AK1: variants seen among roughly 807,000 people sequenced by gnomAD.
The protein encoded by AK1 is adenylate kinase isoenzyme 1.
AK1 carries 13 observed loss-of-function variants against 23.9 expected under a neutral mutation model. The observed-to-expected ratio is 0.54, with a 90% CI of 0.35 to 0.86. The LOEUF is 0.86. Among genes scored for constraint, AK1 ranks in the 40% least tolerant of loss-of-function variants. The probability of loss-of-function intolerance (pLI) is 0.01; values close to 1 mark genes in which losing one functional copy is unlikely to be tolerated. For synonymous variants in AK1, 97 were observed against 102.8 expected (o/e 0.94, Z 0.34); for missense variants, 214 against 255.1 (o/e 0.84, Z 1.10).
At chr9:127,872,004 G>A (rs879454091) in intron 4 of AK1, 65 bp from the exon 5 acceptor site, 1 of 1,361,850 alleles carries the variant, frequency 7.3e-7, no homozygotes. Flanking sequence ...CCCAGCCTCT[G>A]CTCACGCTGC....
rs36059128 is a variant in AK1, at chr9:127,870,200, C to CTTTTTT, written c.324+1617_324+1622dup. ...TACAACAGCCCTGGAAGGGTGGGGA[C>CTTTTTT]TTTTTTTTTTTTTTTTTTTGAGACG... On this transcript the variant is annotated intron_variant, in intron 5 of 6. Transcript: ENST00000644144. Among the ~76,000 whole-genome samples the CTTTTTT allele has an allele frequency of 5.7e-5, 7 of 122,288 alleles. No individual in the cohort carries two copies. In the East Asian group the frequency reaches 9.7e-4, roughly 17 times the overall value. The allele number at this position is 122,288 out of a possible 152,430, so 80.2% of individuals were successfully genotyped here. A position where few individuals can be genotyped will look rare whatever the true frequency, so the allele number is the denominator to read the frequency against.
In AK1 at chr9:127,874,041, GAGCAGCAGC is replaced by G. The variant is rs759188373; in HGVS notation, c.7+561_7+569del. On this transcript the variant is annotated intron_variant, in intron 2 of 6. Transcript: ENST00000644144. ...GCTGTTGATATTTGGAGCTCAGGCA[GAGCAGCAGC>G]AGCAGCAGCAGCAGGCCCGCTGGGT... The G allele has an allele frequency of 5.1e-6, 5 of 985,004 alleles. No individual in the cohort carries two copies. The African/African-American group carries it at 5.2e-5, about 10-fold the overall frequency. 61.0% of individuals were successfully genotyped at this position (985,004 alleles called of 1,614,324 possible).
intron 1 of AK1, among the ~76,000 whole-genome samples, chr9:127,875,890 C>T (rs2131413712): frequency 6.6e-6 from 1 of 152,340 alleles, no homozygotes; most frequent in South Asian, 2.1e-4. Flanking sequence ...GGGCCACTGC[C>T]CCCGCCTCCA....
In AK1 at chr9:127,871,341, CTTG is replaced by C. The variant is rs1829404080; in HGVS notation, c.324+479_324+481del. On this transcript the variant is annotated intron_variant, in intron 5 of 6. Coordinates refer to ENST00000644144, the MANE Select transcript of AK1 (RefSeq NM_000476.3). This position sits in a 1 kb window ranked among gnomAD's most constrained non-coding sequence, Gnocchi z 4.4. The stretch of plus-strand genomic sequence containing the variant: ...AGCCTCCAGCCAGGCTGGAACCTCC[CTTG>C]TTGTCCTGCCCACATATTCTGTTCT... Among the ~76,000 whole-genome samples, 3 of 151,528 alleles carry C rather than the reference CTTG, an allele frequency of 2.0e-5. No homozygotes were observed. Among genetic ancestry groups the C allele is most frequent in the Admixed American group, 2.0e-4 (3 of 15,268 alleles).
Position 127,868,268 on chromosome 9 carries a change from GCCACATAGGAA to G in AK1, c.516+42_516+52del. On this transcript the variant is annotated intron_variant, in intron 6 of 6. Transcript: ENST00000644144. The surrounding 1 kb of genome is among the most constrained non-coding windows in gnomAD (Gnocchi z 4.1). ...AGGCCACACAGTGAGCTGAGGCGGA[GCCACATAGGAA>G]CCCGTTCTTCCCGGAGCTGCCCCTG... 1 of 1,532,036 alleles carries G rather than the reference GCCACATAGGAA, an allele frequency of 6.5e-7. No homozygotes were observed. The highest frequency in any genetic ancestry group is 8.8e-7 in the Non-Finnish European group (1 of 1,130,874). The allele number at this position is 1,532,036 out of a possible 1,614,324, so 94.9% of individuals were successfully genotyped here. A position where few individuals can be genotyped will look rare whatever the true frequency, so the allele number is the denominator to read the frequency against.
In AK1 at chr9:127,866,560, C is replaced by T. The variant is rs905950657; in HGVS notation, c.*1448G>A. The stretch of plus-strand genomic sequence containing the variant: ...GGAAATGAAAAACCAGCCCCACTTG[C>T]CATGAACAGCCCCAACTGTTCGGAT... On this transcript the variant is annotated 3_prime_UTR_variant, in exon 7 of 7. Transcript: ENST00000644144. 6.6e-5 allele frequency: 10 copies of T among 152,354 alleles called. No homozygotes were observed. In the East Asian group the frequency reaches 1.9e-3, roughly 29 times the overall value. The allele number at this position is 152,354 out of a possible 1,614,324, so 9.4% of individuals were successfully genotyped here.
In AK1 at chr9:127,867,932, G is replaced by T; in HGVS notation, c.*76C>A. 2 of 1,461,370 alleles carry T rather than the reference G, an allele frequency of 1.4e-6. No individual in the cohort carries two copies. The highest frequency in any genetic ancestry group is 1.7e-5 in the Admixed American group (1 of 59,780). The allele number at this position is 1,461,370 out of a possible 1,614,324, so 90.5% of individuals were successfully genotyped here. A position where few individuals can be genotyped will look rare whatever the true frequency, so the allele number is the denominator to read the frequency against. ...CTCAGCAGGGCAGGGTGGAGGCGCTGCGCTCAGGCCAGGAGGACCTCGAAT... is the reference window on the plus strand; with the variant it reads ...CTCAGCAGGGCAGGGTGGAGGCGCTTCGCTCAGGCCAGGAGGACCTCGAAT... On this transcript the variant is annotated 3_prime_UTR_variant, in exon 7 of 7. Coordinates refer to ENST00000644144, the MANE Select transcript of AK1 (RefSeq NM_000476.3).
chr9:127,875,532 G>A (rs1050905282), intron 1 of AK1, among the ~76,000 whole-genome samples: 2 of 149,756 alleles, frequency 1.3e-5, no homozygotes, highest in East Asian at 2.0e-4. Flanking sequence ...TCCAGCCAGC[G>A]ACCCCACCCG....
chr9:127,871,619 TG>T lies in AK1; in HGVS notation c.324+203del, dbSNP rs1359039477. On this transcript the variant is annotated intron_variant, in intron 5 of 6. Transcript: ENST00000644144. The surrounding 1 kb of genome is among the most constrained non-coding windows in gnomAD (Gnocchi z 4.4). ...GGAATCTGAGCCCAGGTTTGGCAAC[TG>T]CCCCTCCTGGCGCTTCCCCTTCTAC... Among the ~76,000 whole-genome samples, 4 of 151,514 alleles carry T rather than the reference TG, an allele frequency of 2.6e-5. 1 individual carries two copies. The highest frequency in any genetic ancestry group is 2.1e-4 in the South Asian group (1 of 4,826).
Position 127,868,470 on chromosome 9 carries a change from C to G in AK1, c.367G>C (p.Glu123Gln), listed in dbSNP as rs8192462. 0.038 allele frequency: 60,711 copies of G among 1,603,830 alleles called. 1,477 individuals are homozygous for G. Among genetic ancestry groups the G allele is most frequent in the South Asian group, 0.1 (8,889 of 89,104 alleles). ...TLLLYVDAGP[E>Q]TMTQRLLKRG... ...TTCAAGAGCCGCTGGGTCATGGTCT[C>G]AGGGCCTGCGTCCACATACAGCAGC... The change falls in exon 6 of 7, where the codon GAG (glutamate) becomes CAG (glutamine). Residue 123 changes from glutamate to glutamine, a missense_variant. Transcript: ENST00000644144. The surrounding 1 kb of genome is among the most constrained non-coding windows in gnomAD (Gnocchi z 4.1).
chr9:127,867,715 G>A lies in AK1; in HGVS notation c.*293C>T, dbSNP rs561376325. 1.4e-5 allele frequency: 6 copies of A among 419,178 alleles called. No homozygotes were observed. Among genetic ancestry groups the A allele is most frequent in the Admixed American group, 3.6e-5 (1 of 27,920 alleles). The allele number at this position is 419,178 out of a possible 1,614,324, so 26.0% of individuals were successfully genotyped here. Reference sequence around the variant, plus strand: ...GGGCCTCCCACCAGAGCTAGAGGAGGGGTGGCTGGCAAAGGGAGGCTGAGG... The same window carrying A: ...GGGCCTCCCACCAGAGCTAGAGGAGAGGTGGCTGGCAAAGGGAGGCTGAGG... On this transcript the variant is annotated 3_prime_UTR_variant, in exon 7 of 7. Transcript: ENST00000644144.
In AK1 at chr9:127,877,287, T is replaced by C. The variant is rs1038080822; in HGVS notation, c.-33+336A>G. On this transcript the variant is annotated intron_variant, in intron 1 of 6. Coordinates refer to ENST00000644144, the MANE Select transcript of AK1 (RefSeq NM_000476.3). The surrounding 1 kb of genome is among the most constrained non-coding windows in gnomAD (Gnocchi z 5.2). ...GGGAGCCAGGCCACAGCTCTCCCTC[T>C]CTGGGCCCAAGCTGGGACATGCCAA... Among the ~76,000 whole-genome samples the C allele has an allele frequency of 5.3e-5, 8 of 151,852 alleles. No individual in the cohort carries two copies. Among genetic ancestry groups the C allele is most frequent in the African/African-American group, 1.9e-4 (8 of 41,320 alleles).
In AK1 at chr9:127,873,072, GA is replaced by G. The variant is rs1829453590; in HGVS notation, c.8-12del. The G allele has an allele frequency of 6.2e-7, 1 of 1,613,474 alleles. No homozygotes were observed. The highest frequency in any genetic ancestry group is 8.5e-7 in the Non-Finnish European group (1 of 1,179,684). ...TTTTCTTCAGCTTCTCTGCGGGAGAGAAAAGGGGAGCAGGGCTCAGTCACTC... is the reference window on the plus strand; with the variant it reads ...TTTTCTTCAGCTTCTCTGCGGGAGAGAAAGGGGAGCAGGGCTCAGTCACTC... On this transcript the variant is annotated splice_polypyrimidine_tract_variant and intron_variant, in intron 2 of 6. Transcript: ENST00000644144.
intron 2 of AK1, chr9:127,873,423 G>T: frequency 6.4e-7 from 1 of 1,567,644 alleles, no homozygotes. Flanking sequence ...TTCTCTGCGG[G>T]GGTCACTCGA....
At chr9:127,872,033 C>T in intron 4 of AK1, 94 bp from the exon 5 acceptor site, 1 of 1,090,072 alleles carries the variant, frequency 9.2e-7, no homozygotes, top group South Asian at 1.3e-5. Flanking sequence ...CCTGAAATGC[C>T]CTCTCCCCAA....
At chr9:127,872,030 T>C in intron 4 of AK1, 91 bp from the exon 5 acceptor site, 2 of 1,114,650 alleles carry the variant, frequency 1.8e-6, no homozygotes, top group East Asian at 2.4e-5. Flanking sequence ...CCACCTGAAA[T>C]GCCCTCTCCC....
chr9:127,876,442 G>A (rs1043682441), intron 1 of AK1, among the ~76,000 whole-genome samples: 1 of 152,250 alleles, frequency 6.6e-6, no homozygotes, highest in Non-Finnish European at 1.5e-5. Flanking sequence ...TCGGCCCTGA[G>A]TTTCTGCTAC....
intron 5 of AK1, among the ~76,000 whole-genome samples, chr9:127,870,159 G>C (rs921189776): frequency 1.2e-4 from 18 of 151,878 alleles, no homozygotes; most frequent in African/African-American, 4.3e-4. Context: ...CTGAGCCTGC[G>C]GCCCTCAGCG....
In AK1 at chr9:127,866,945, G is replaced by C. The variant is rs1419414152; in HGVS notation, c.*1063C>G. 1 of 152,020 alleles carries C rather than the reference G, an allele frequency of 6.6e-6. No homozygotes were observed. The highest frequency in any genetic ancestry group is 1.5e-5 in the Non-Finnish European group (1 of 68,008). The allele number at this position is 152,020 out of a possible 1,614,324, so 9.4% of individuals were successfully genotyped here. On this transcript the variant is annotated 3_prime_UTR_variant, in exon 7 of 7. Coordinates refer to ENST00000644144, the MANE Select transcript of AK1 (RefSeq NM_000476.3). The stretch of plus-strand genomic sequence containing the variant: ...GCTCACAGAGGGTGGGCTGTGTCCA[G>C]GGCCACACAGGGGGAGGTCCTTCAG...
Sources: allele counts gnomAD v4.1 joint callset (sites outside exome capture counted in the v4.1 genomes callset), GRCh38; gene constraint gnomAD v4.1.1; non-coding constraint Gnocchi (gnomAD v3.1); transcripts MANE v1.5; gene names NCBI Gene and HGNC (gene_info 2026-07-23, HGNC 2026-07-21).